The following CNTNAP2 variants were observed in gnomAD, a reference collection of about 807,000 sequenced individuals.
The protein encoded by CNTNAP2 is contactin-associated protein-like 2.
CNTNAP2 carries 98 observed loss-of-function variants against 155.2 expected under a neutral mutation model. The observed-to-expected ratio is 0.63, with a 90% CI of 0.54 to 0.75. CNTNAP2 has a LOEUF of 0.75. CNTNAP2 is among the 30% of genes least tolerant of loss of function. The probability of loss-of-function intolerance (pLI) is 0.00; values close to 1 mark genes in which losing one functional copy is unlikely to be tolerated. For missense variants in CNTNAP2, 1,727 were observed against 1,688.1 expected (o/e 1.02, Z -0.40); for synonymous variants, 651 against 631.2 (o/e 1.03, Z -0.47).
chr7:147,918,361 A>C (rs1036853733), intron 14 of CNTNAP2, among the ~76,000 whole-genome samples: 1 of 152,210 alleles, frequency 6.6e-6, no homozygotes, highest in African/African-American at 2.4e-5. Context: ...CCACATAGAC[A>C]TACACTCATC....
intron 14 of CNTNAP2, among the ~76,000 whole-genome samples, chr7:147,943,489 C>T (rs2708274): frequency 0.12 from 18,144 of 151,936 alleles, 1,430 homozygotes; most frequent in Middle Eastern, 0.26. Context: ...AAATCTGGGC[C>T]GGGCGAAGTC....
At chr7:146,791,696 C>G in intron 2 of CNTNAP2, among the ~76,000 whole-genome samples, 1 of 152,182 alleles carries the variant, frequency 6.6e-6, no homozygotes, top group Admixed American at 6.5e-5. Flanking sequence ...TGGAAATTAT[C>G]AGTTCTCCTC....
rs144564913 is a variant in CNTNAP2 at position 148,065,083 on chromosome 7, A to C, written c.2384-53035A>C. On this transcript the variant is annotated intron_variant, in intron 15 of 23. Coordinates refer to ENST00000361727, the MANE Select transcript of CNTNAP2 (RefSeq NM_014141.6). Reference sequence around the variant, plus strand: ...TTCAGGAACAGGTTATTTAATTTCCATGTATTTGCATGGTTTTGAGGATTC... The same window carrying C: ...TTCAGGAACAGGTTATTTAATTTCCCTGTATTTGCATGGTTTTGAGGATTC... Among the ~76,000 whole-genome samples the C allele has an allele frequency of 5.1e-3, 769 of 152,228 alleles. 5 individuals are homozygous for C. The highest frequency in any genetic ancestry group is 0.018 in the African/African-American group (734 of 41,540).
chr7:146,907,013 C>T (rs984246314), intron 3 of CNTNAP2, among the ~76,000 whole-genome samples: 1 of 150,040 alleles, frequency 6.7e-6, no homozygotes, highest in African/African-American at 2.5e-5. Context: ...ATGCAGAAGC[C>T]TCAGGAGCCG....
At chr7:146,714,330 A>G (rs1267013667) in intron 1 of CNTNAP2, among the ~76,000 whole-genome samples, 2 of 152,226 alleles carry the variant, frequency 1.3e-5, no homozygotes, top group African/African-American at 4.8e-5. Flanking sequence ...TGCCTGGAAC[A>G]GCTTAGACAT....
At chr7:146,119,674 G>A (rs180891556) in intron 1 of CNTNAP2, among the ~76,000 whole-genome samples, 84 of 152,046 alleles carry the variant, frequency 5.5e-4, no homozygotes, top group African/African-American at 2.0e-3. Context: ...TTAAGCTAGC[G>A]CTTAATAAAT....
intron 21 of CNTNAP2, among the ~76,000 whole-genome samples, chr7:148,366,491 G>T (rs534222941): frequency 2.7e-4 from 41 of 152,186 alleles, no homozygotes; most frequent in Admixed American, 6.5e-4. Context: ...TAACAAAGTT[G>T]ATCTGTGTAA....
At chr7:147,357,268 T>C (rs1796079447) in intron 9 of CNTNAP2, among the ~76,000 whole-genome samples, 1 of 152,094 alleles carries the variant, frequency 6.6e-6, no homozygotes, top group South Asian at 2.1e-4. Context: ...CTCTTCTTGA[T>C]ATATTTGTTT....
At chr7:147,099,922 C>T (rs536645384) in intron 4 of CNTNAP2, among the ~76,000 whole-genome samples, 1 of 152,222 alleles carries the variant, frequency 6.6e-6, no homozygotes, top group Admixed American at 6.5e-5. Context: ...TTTTGATTTA[C>T]AAAAATAAAT....
At chr7:147,055,612 G>T (rs1157133002) in intron 4 of CNTNAP2, among the ~76,000 whole-genome samples, 1 of 152,172 alleles carries the variant, frequency 6.6e-6, no homozygotes, top group African/African-American at 2.4e-5. Flanking sequence ...TGAGAGAAAG[G>T]CATCTCAAGT....
At chr7:147,953,539 G>C (rs1458490347) in intron 14 of CNTNAP2, among the ~76,000 whole-genome samples, 1 of 152,132 alleles carries the variant, frequency 6.6e-6, no homozygotes, top group African/African-American at 2.4e-5. Flanking sequence ...TTTTAAAAAA[G>C]GAAATATCAA....
At chr7:148,265,656 T>A (rs1796655858) in intron 20 of CNTNAP2, among the ~76,000 whole-genome samples, 2 of 152,164 alleles carry the variant, frequency 1.3e-5, no homozygotes, top group African/African-American at 4.8e-5. Context: ...TTTAATAGTT[T>A]TTGGGGGTGG....
In CNTNAP2 at chr7:147,318,030, TC is replaced by T. The variant is rs140258995; in HGVS notation, c.1498+17741del. On this transcript the variant is annotated intron_variant, in intron 9 of 23. Coordinates refer to ENST00000361727, the MANE Select transcript of CNTNAP2 (RefSeq NM_014141.6). Reference sequence around the variant, plus strand: ...AATGAATAATTTTAATGTTCTCCTTTCTTTTTTCGTTAAAATTTTCTACAGT... The same window carrying T: ...AATGAATAATTTTAATGTTCTCCTTTTTTTTTCGTTAAAATTTTCTACAGT... 8.0e-3 allele frequency among the ~76,000 whole-genome samples: 1,220 copies of T among 152,276 alleles called. 21 individuals are homozygous for T. The highest frequency in any genetic ancestry group is 0.027 in the African/African-American group (1,132 of 41,538).
intron 16 of CNTNAP2, among the ~76,000 whole-genome samples, chr7:148,141,285 T>C (rs1563212973): frequency 6.6e-6 from 1 of 152,274 alleles, no homozygotes; most frequent in Non-Finnish European, 1.5e-5. Flanking sequence ...TGAGTTTATC[T>C]TGGGCAAGCC....
At chr7:146,833,962 G>C (rs1210338322) in intron 2 of CNTNAP2, among the ~76,000 whole-genome samples, 1 of 152,018 alleles carries the variant, frequency 6.6e-6, no homozygotes, top group Admixed American at 6.6e-5. Flanking sequence ...GAAGCAGAAG[G>C]GGGTCTCAAA....
chr7:146,124,087 C>T (rs946675455), intron 1 of CNTNAP2, among the ~76,000 whole-genome samples: 2 of 152,084 alleles, frequency 1.3e-5, no homozygotes, highest in Non-Finnish European at 2.9e-5. Context: ...ATCACACACC[C>T]GGGCCTGTTG....
chr7:146,748,143 CTTTTTTT>C (rs61495352), intron 1 of CNTNAP2, among the ~76,000 whole-genome samples: 1 of 98,004 alleles, frequency 1.0e-5, no homozygotes, highest in Non-Finnish European at 2.0e-5. Context: ...CTTTTCTTTT[CTTTTTTT>C]TTTTTTTTTT....
intron 1 of CNTNAP2, among the ~76,000 whole-genome samples, chr7:146,127,657 C>T (rs1445281923): frequency 6.6e-6 from 1 of 152,104 alleles, no homozygotes; most frequent in African/African-American, 2.4e-5. Flanking sequence ...GCCTTTAAAC[C>T]CAAGCCTGAC....
intron 1 of CNTNAP2, among the ~76,000 whole-genome samples, chr7:146,122,468 G>T (rs893524738): frequency 2.0e-5 from 3 of 152,178 alleles, no homozygotes; most frequent in African/African-American, 7.2e-5. Context: ...AAGGGACTGA[G>T]ATTGACTGTA....
Sources: gnomAD v4.1 joint callset for allele counts (sites outside exome capture counted in the v4.1 genomes callset) on GRCh38, gnomAD v4.1.1 for gene constraint, MANE v1.5 for transcripts, NCBI Gene and HGNC (gene_info 2026-07-23, HGNC 2026-07-21) for gene names.